Variants in ANKS1B observed in about 807,000 individuals in gnomAD.
ANKS1B encodes ankyrin repeat and sterile alpha motif domain-containing protein 1B.
In ANKS1B, 36 loss-of-function variants were observed where a neutral mutation model predicts 148.3. That is an observed-to-expected ratio of 0.24 (90% CI 0.19 to 0.32). The LOEUF (loss-of-function observed/expected upper bound fraction) is 0.32, where lower values mean the gene tolerates loss of function less well. ANKS1B is among the 10% of genes least tolerant of loss of function. ANKS1B has a pLI of 1.00. For missense variants in ANKS1B, 1,157 were observed against 1,542.6 expected (o/e 0.75, Z 4.19); for synonymous variants, 542 against 560.8 (o/e 0.97, Z 0.47).
At chr12:99,445,809 C>T (rs1174288368) in intron 10 of ANKS1B, among the ~76,000 whole-genome samples, 1 of 151,978 alleles carries the variant, frequency 6.6e-6, no homozygotes, top group East Asian at 1.9e-4. Flanking sequence ...ACAGCCTCAA[C>T]TTCCCAGGCT....
At chr12:99,463,660 T>C (rs1450833665) in intron 10 of ANKS1B, among the ~76,000 whole-genome samples, 1 of 151,914 alleles carries the variant, frequency 6.6e-6, no homozygotes, top group African/African-American at 2.4e-5. Flanking sequence ...GCTCGGAGGG[T>C]CCTACGCCCA....
chr12:99,965,490 T>C (rs1247245534), intron 1 of ANKS1B, among the ~76,000 whole-genome samples: 1 of 152,196 alleles, frequency 6.6e-6, no homozygotes, highest in Non-Finnish European at 1.5e-5. Context: ...GGTAATTATA[T>C]ATATAGAAGT....
rs183415902 is a variant in ANKS1B at position 99,493,918 on chromosome 12, T to C, written c.1438+10558A>G. Among the ~76,000 whole-genome samples the C allele has an allele frequency of 7.2e-5, 11 of 152,296 alleles. No homozygotes were observed. In the East Asian group the frequency reaches 2.1e-3, roughly 29 times the overall value. On this transcript the variant is annotated intron_variant, in intron 10 of 26. Coordinates refer to ENST00000683438, the MANE Select transcript of ANKS1B (RefSeq NM_001352186.2). ...GTCGGAGTCTTCAGCATGTTGATTG[T>C]AACAGAAGCCGTACTATAGATGAGA... is the stretch of plus-strand genomic sequence containing the variant.
At chr12:98,848,758 A>T (rs2099501302) in intron 17 of ANKS1B, among the ~76,000 whole-genome samples, 1 of 2,904 alleles carries the variant, frequency 3.4e-4, no homozygotes, top group East Asian at 0.023. Context: ...TTTTTTTTTG[A>T]GACGGAGTCT....
intron 17 of ANKS1B, among the ~76,000 whole-genome samples, chr12:98,869,164 C>T (rs1475899534): frequency 1.3e-5 from 2 of 152,206 alleles, no homozygotes; most frequent in Non-Finnish European, 2.9e-5. Context: ...AAACCATAAG[C>T]TCCATGAGGA....
At chr12:99,009,306 A>G (rs1477327360) in intron 17 of ANKS1B, among the ~76,000 whole-genome samples, 3 of 152,222 alleles carry the variant, frequency 2.0e-5, no homozygotes, top group Non-Finnish European at 2.9e-5. Flanking sequence ...TTTGAACACA[A>G]TCTCTCAGAA....
chr12:99,562,906 A>G (rs566884826), intron 9 of ANKS1B, among the ~76,000 whole-genome samples: 47 of 152,218 alleles, frequency 3.1e-4, no homozygotes, highest in Non-Finnish European at 5.7e-4. Flanking sequence ...GATCTTCTCA[A>G]TAACTTTCTG....
At chr12:99,823,409 G>A (rs191157306) in intron 2 of ANKS1B, among the ~76,000 whole-genome samples, 247 of 152,224 alleles carry the variant, frequency 1.6e-3, no homozygotes, top group African/African-American at 5.5e-3. Flanking sequence ...GGGTTCAAGC[G>A]ATTCTCCTGC....
intron 1 of ANKS1B, among the ~76,000 whole-genome samples, chr12:99,886,492 C>G (rs115950203): frequency 6.6e-6 from 1 of 152,078 alleles, no homozygotes; most frequent in Non-Finnish European, 1.5e-5. Context: ...TGTATAGACA[C>G]ATGTATCTTA....
At chr12:98,800,357 T>TC (rs1462464454) in intron 21 of ANKS1B, among the ~76,000 whole-genome samples, 1 of 152,168 alleles carries the variant, frequency 6.6e-6, no homozygotes, top group African/African-American at 2.4e-5. Context: ...TTGAAATGTT[T>TC]CTTTTTAAGA....
intron 9 of ANKS1B, among the ~76,000 whole-genome samples, chr12:99,526,410 A>AT (rs2096926978): frequency 6.6e-6 from 1 of 152,184 alleles, no homozygotes; most frequent in South Asian, 2.1e-4. Context: ...CACCATTTAC[A>AT]GGCATTGCAT....
chr12:99,084,802 T>G (rs1335374949), intron 16 of ANKS1B, 123 bp downstream of exon 16: 1 of 685,468 alleles, frequency 1.5e-6, no homozygotes, highest in East Asian at 2.8e-5. Flanking sequence ...CCTAAGAAGA[T>G]CTGCTCTTGA....
At chr12:99,371,556 A>T (rs1441092800) in intron 12 of ANKS1B, among the ~76,000 whole-genome samples, 1 of 151,718 alleles carries the variant, frequency 6.6e-6, no homozygotes, top group African/African-American at 2.4e-5. Context: ...CCCAGTATAC[A>T]CATGTGCACA....
Position 99,535,055 on chromosome 12 carries a change from A to G in ANKS1B, c.1273-30414T>C, listed in dbSNP as rs139764270. ...TTTAGGAGGCCACTTGAAGATATTC[A>G]GCTTTTGATGGCATAAAATTCTGGC... On this transcript the variant is annotated intron_variant, in intron 9 of 26. Transcript: ENST00000683438. Among the ~76,000 whole-genome samples the G allele has an allele frequency of 1.3e-4, 20 of 152,288 alleles. No homozygotes were observed. In the East Asian group the frequency reaches 2.1e-3, roughly 16 times the overall value.
Position 98,745,539 on chromosome 12 carries a change from C to T in ANKS1B, c.*200G>A, listed in dbSNP as rs2097862223. 2.2e-6 allele frequency: 3 copies of T among 1,346,996 alleles called. No individual in the cohort carries two copies. The highest frequency in any genetic ancestry group is 1.5e-5 in the African/African-American group (1 of 65,890). The allele number at this position is 1,346,996 out of a possible 1,614,324, so 83.4% of individuals were successfully genotyped here. ...CTCAACTCACGCCTCTCAGGGGTTG[C>T]GACTGGAAAGTCTTGCGTTTTCCAT... On this transcript the variant is annotated 3_prime_UTR_variant, in exon 27 of 27. Coordinates refer to ENST00000683438, the MANE Select transcript of ANKS1B (RefSeq NM_001352186.2).
At chr12:99,013,319 C>T (rs2099940547) in intron 17 of ANKS1B, among the ~76,000 whole-genome samples, 1 of 152,012 alleles carries the variant, frequency 6.6e-6, no homozygotes, top group Non-Finnish European at 1.5e-5. Flanking sequence ...AACTGTGCCA[C>T]AAGACAAGGA....
intron 17 of ANKS1B, among the ~76,000 whole-genome samples, chr12:99,007,768 G>C (rs2099936994): frequency 6.6e-6 from 1 of 152,018 alleles, no homozygotes; most frequent in South Asian, 2.1e-4. Context: ...TGGGGACTGG[G>C]AGAGAAGATG....
chr12:99,878,981 C>CT (rs963251328), intron 1 of ANKS1B, among the ~76,000 whole-genome samples: 8 of 152,094 alleles, frequency 5.3e-5, no homozygotes, highest in Non-Finnish European at 7.4e-5. Context: ...GTTTTGATCT[C>CT]TTTTCCTGTT....
At chr12:99,514,634 A>G (rs1185468887) in intron 9 of ANKS1B, among the ~76,000 whole-genome samples, 3 of 152,020 alleles carry the variant, frequency 2.0e-5, no homozygotes, top group East Asian at 1.9e-4. Context: ...TAGGGATCCA[A>G]CCTTGGTCTT....
Sources: allele counts gnomAD v4.1 joint callset (sites outside exome capture counted in the v4.1 genomes callset), GRCh38; gene constraint gnomAD v4.1.1; transcripts MANE v1.5; gene names NCBI Gene and HGNC (gene_info 2026-07-23, HGNC 2026-07-21).